SUPT20HL1: variants seen among roughly 807,000 people sequenced by gnomAD.
SUPT20HL1 encodes transcription factor SPT20 homolog-like 1.
For synonymous variants in SUPT20HL1, 133 were observed against 79.2 expected, an observed-to-expected ratio of 1.68 and a Z score of -3.61; for missense variants, 277 against 200.3, an observed-to-expected ratio of 1.38 and a Z score of -2.31.
rs181299458 is a variant in SUPT20HL1 at position 24,366,489 on chromosome X, G to A, written c.*1065G>A. ...CTGTCTGCACCTAGTGCTCCACAGA[G>A]CAAGGCTTTCTCACTGGCTTTGAAA... On this transcript the variant is annotated 3_prime_UTR_variant, in exon 1 of 1. Coordinates refer to ENST00000686983, the MANE Select transcript of SUPT20HL1 (RefSeq NM_001136234.3). 9.6e-4 allele frequency among the ~76,000 whole-genome samples: 108 copies of A among 112,297 alleles called. No individual in the cohort carries two copies. Among genetic ancestry groups the A allele is most frequent in the African/African-American group, 3.4e-3 (104 of 30,902 alleles).
At position 24,363,336 on chromosome X, in the gene SUPT20HL1, C is replaced by T. The variant is rs1159484658; in HGVS notation, c.576C>T (p.Asp192=). 7.8e-6 allele frequency: 3 copies of T among 385,549 alleles called. No homozygotes were observed. Among genetic ancestry groups the T allele is most frequent in the South Asian group, 4.7e-5 (2 of 42,735 alleles). The allele number at this position is 385,549 out of a possible 1,213,427, so 31.8% of individuals were successfully genotyped here. ...ATGGCCAGAAATGGAGCCAGGAAGACAAGCTTCAGCTTGAGAGCCAGCTGA... is the reference window on the plus strand; with the variant it reads ...ATGGCCAGAAATGGAGCCAGGAAGATAAGCTTCAGCTTGAGAGCCAGCTGA... ...TRDGQKWSQE[D]KLQLESQLIL... The change falls in exon 1 of 1, where the codon GAC becomes GAT. Residue 192 remains aspartate, a synonymous_variant. Coordinates refer to ENST00000686983, the MANE Select transcript of SUPT20HL1 (RefSeq NM_001136234.3).
rs1361671254 is a variant in SUPT20HL1 at position 24,364,387 on chromosome X, GCTC to G, written c.1630_1632del (p.Pro544del). 1.0e-5 allele frequency: 6 copies of G among 594,660 alleles called. No homozygotes were observed. The highest frequency in any genetic ancestry group is 8.5e-6 in the Non-Finnish European group (3 of 354,372). The allele number at this position is 594,660 out of a possible 1,213,427, so 49.0% of individuals were successfully genotyped here. A position where few individuals can be genotyped will look rare whatever the true frequency, so the allele number is the denominator to read the frequency against. On this transcript the variant is annotated inframe_deletion, in exon 1 of 1. Transcript: ENST00000686983. ...TGCTCCTGCTCTAGCTGCTGCTGCT[GCTC>G]CTGCTCCTGCTCCTGCCGCTGCTCC... is the stretch of plus-strand genomic sequence containing the variant.
rs2525859 is a variant in SUPT20HL1 at position 24,361,433 on chromosome X, T to A, written c.-1328T>A. On this transcript the variant is annotated 5_prime_UTR_variant, in exon 1 of 1. Transcript: ENST00000686983. ...GTCAGAAAAACAGGCTATGGAGTAG[T>A]TCTCCCCAGAAAAACATTATTGATC... is the stretch of plus-strand genomic sequence containing the variant. Among the ~76,000 whole-genome samples, 624 of 112,100 alleles carry A rather than the reference T, an allele frequency of 5.6e-3. 5 individuals are homozygous for A. The highest frequency in any genetic ancestry group is 0.02 in the African/African-American group (605 of 30,862).
Position 24,361,290 on chromosome X carries a change from C to T in SUPT20HL1, c.-1471C>T, listed in dbSNP as rs976728852. On this transcript the variant is annotated 5_prime_UTR_variant, in exon 1 of 1. Transcript: ENST00000686983. ...AACCCAAGTGAAGACAGGGGCAATT[C>T]GCCAGCTGAAGATCGAGTCCATCCC... Among the ~76,000 whole-genome samples the T allele has an allele frequency of 8.9e-6, 1 of 112,508 alleles. No homozygotes were observed. The highest frequency in any genetic ancestry group is 1.9e-5 in the Non-Finnish European group (1 of 53,325).
rs1939479728 is a variant in SUPT20HL1 at position 24,365,730 on chromosome X, A to T, written c.*306A>T. Reference sequence around the variant, plus strand: ...TTGAGTCTAAACTCGTGAAACGTATAATTTCTCTAAAGCCGTAAAATGGCA... The same window carrying T: ...TTGAGTCTAAACTCGTGAAACGTATTATTTCTCTAAAGCCGTAAAATGGCA... On this transcript the variant is annotated 3_prime_UTR_variant, in exon 1 of 1. Coordinates refer to ENST00000686983, the MANE Select transcript of SUPT20HL1 (RefSeq NM_001136234.3). 8.9e-6 allele frequency among the ~76,000 whole-genome samples: 1 copy of T among 112,184 alleles called. No individual in the cohort carries two copies. The highest frequency in any genetic ancestry group is 3.2e-5 in the African/African-American group (1 of 30,898).
Position 24,367,574 on chromosome X carries a change from A to G in SUPT20HL1, c.*2150A>G, listed in dbSNP as rs938376255. ...TTTCCTGAGTGACACCAAGTCCATC[A>G]GATCATCCTGGGCATAATTGGAAAT... On this transcript the variant is annotated 3_prime_UTR_variant, in exon 1 of 1. Coordinates refer to ENST00000686983, the MANE Select transcript of SUPT20HL1 (RefSeq NM_001136234.3). Among the ~76,000 whole-genome samples, 4 of 112,444 alleles carry G rather than the reference A, an allele frequency of 3.6e-5. No individual in the cohort carries two copies. The highest frequency in any genetic ancestry group is 1.3e-4 in the African/African-American group (4 of 30,941).
Position 24,367,425 on chromosome X carries a change from C to T in SUPT20HL1, c.*2001C>T, listed in dbSNP as rs956402611. Among the ~76,000 whole-genome samples, 4 of 112,431 alleles carry T rather than the reference C, an allele frequency of 3.6e-5. No individual in the cohort carries two copies. Among genetic ancestry groups the T allele is most frequent in the South Asian group, 3.6e-4 (1 of 2,748 alleles). ...CGAAATGAAAAGAAGTTTGGTCTGG[C>T]AGTTCCAAAAGACATCAGTGAAGAG... On this transcript the variant is annotated 3_prime_UTR_variant, in exon 1 of 1. Transcript: ENST00000686983.
chrX:24,364,309 G>GCTC lies in SUPT20HL1; in HGVS notation c.1552_1554dup (p.Pro518dup), dbSNP rs762156994. 1.2e-6 allele frequency: 1 copy of GCTC among 810,400 alleles called. No individual in the cohort carries two copies. The highest frequency in any genetic ancestry group is 1.7e-6 in the Non-Finnish European group (1 of 605,079). 66.8% of individuals were successfully genotyped at this position (810,400 alleles called of 1,213,427 possible). Reference sequence around the variant, plus strand: ...TGCTGCTGCTGCTGCTGCTGCTGCTGCTCCTGCTCCTGCTCTAGCTGCTGC... The same window carrying GCTC: ...TGCTGCTGCTGCTGCTGCTGCTGCTGCTCCTCCTGCTCCTGCTCTAGCTGCTGC... On this transcript the variant is annotated inframe_insertion, in exon 1 of 1. Transcript: ENST00000686983.
chrX:24,364,384 G>C lies in SUPT20HL1; in HGVS notation c.1624G>C (p.Ala542Pro), dbSNP rs750525009. Residue 542 changes from alanine (A) to proline (P), a missense_variant, in exon 1 of 1, where the codon GCT becomes CCT. Ala to Pro is a conservative substitution (Grantham distance 27, BLOSUM62 -1). Transcript: ENST00000686983. ...AAAAPALAAAAAPAPAPAAAP... is the reference protein window; with the variant it reads ...AAAAPALAAAPAPAPAPAAAP... ...TGCTGCTCCTGCTCTAGCTGCTGCT[G>C]CTGCTCCTGCTCCTGCTCCTGCCGC... 32 of 630,034 alleles carry C rather than the reference G, an allele frequency of 5.1e-5. 1 individual carries two copies. In the East Asian group the frequency reaches 1.1e-3, roughly 22 times the overall value. 51.9% of individuals were successfully genotyped at this position (630,034 alleles called of 1,213,427 possible).
chrX:24,360,921 C>T lies in SUPT20HL1; in HGVS notation c.-1840C>T, dbSNP rs1939423061. Among the ~76,000 whole-genome samples, 3 of 111,914 alleles carry T rather than the reference C, an allele frequency of 2.7e-5. No homozygotes were observed. Among genetic ancestry groups the T allele is most frequent in the Non-Finnish European group, 5.6e-5 (3 of 53,152 alleles). ...CTGTGACTTTGTCTGAGGGCATCCT[C>T]GAGCCAAATCAGCATGGGTGGCCCC... On this transcript the variant is annotated 5_prime_UTR_variant, in exon 1 of 1. Coordinates refer to ENST00000686983, the MANE Select transcript of SUPT20HL1 (RefSeq NM_001136234.3).
chrX:24,360,861 T>G lies in SUPT20HL1; in HGVS notation c.-1900T>G, dbSNP rs747134503. 3.6e-5 allele frequency among the ~76,000 whole-genome samples: 4 copies of G among 111,836 alleles called. No homozygotes were observed. In the Admixed American group the frequency reaches 3.8e-4, roughly 11 times the overall value. ...GTCCATCTCCCCTTGGCACTCACCA[T>G]TCTGTACACACAGACAGAGTATTAC... is the stretch of plus-strand genomic sequence containing the variant. On this transcript the variant is annotated 5_prime_UTR_variant, in exon 1 of 1. Coordinates refer to ENST00000686983, the MANE Select transcript of SUPT20HL1 (RefSeq NM_001136234.3).
rs951102140 is a variant in SUPT20HL1, at chrX:24,363,447, G to A, written c.687G>A (p.Lys229=). Residue 229 remains lysine (K), a synonymous_variant, in exon 1 of 1, where the codon AAG becomes AAA. Transcript: ENST00000686983. ...ACAGGCTGCTGTACAACAAGCAAAA[G>A]ATGAATACCGACCCGATGAAACGGT... is the stretch of plus-strand genomic sequence containing the variant. ...TANRLLYNKQ[K]MNTDPMKRCL... 5.2e-6 allele frequency: 2 copies of A among 385,294 alleles called. No individual in the cohort carries two copies. Among genetic ancestry groups the A allele is most frequent in the Non-Finnish European group, 1.0e-5 (2 of 192,396 alleles). The allele number at this position is 385,294 out of a possible 1,213,427, so 31.8% of individuals were successfully genotyped here.
At position 24,364,308 on chromosome X, in the gene SUPT20HL1, TGCTCCTGCTCCTGCTCTA is replaced by T. The variant is rs774915478; in HGVS notation, c.1552_1569del (p.Pro518_Ala523del). On this transcript the variant is annotated inframe_deletion, in exon 1 of 1. Coordinates refer to ENST00000686983, the MANE Select transcript of SUPT20HL1 (RefSeq NM_001136234.3). ...CTGCTGCTGCTGCTGCTGCTGCTGC[TGCTCCTGCTCCTGCTCTA>T]GCTGCTGCTGCTGCTCCTGCTCTAG... The T allele has an allele frequency of 1.7e-3, 1,544 of 886,555 alleles. 4 individuals are homozygous for T. The highest frequency in any genetic ancestry group is 8.0e-3 in the African/African-American group (263 of 32,969). The allele number at this position is 886,555 out of a possible 1,213,427, so 73.1% of individuals were successfully genotyped here.
Position 24,361,954 on chromosome X carries a change from G to A in SUPT20HL1, c.-807G>A, listed in dbSNP as rs1939429939. On this transcript the variant is annotated 5_prime_UTR_variant, in exon 1 of 1. Coordinates refer to ENST00000686983, the MANE Select transcript of SUPT20HL1 (RefSeq NM_001136234.3). ...AGCACTGCTACCGCGGGCTCATTCC[G>A]CAGCCCAGTGGCTGACAGATACCAA... Among the ~76,000 whole-genome samples, 5 of 112,156 alleles carry A rather than the reference G, an allele frequency of 4.5e-5. No individual in the cohort carries two copies. The South Asian group carries it at 1.9e-3, about 42-fold the overall frequency.
In SUPT20HL1 at chrX:24,363,564, C is replaced by G. The variant is rs933811608; in HGVS notation, c.804C>G (p.Gly268=). Reference sequence around the variant, plus strand: ...CTGAGCTGAGAGTGTCGACTTCTGGCCAAAAAGAAGAAAGAAAAGTAGGTC... The same window carrying G: ...CTGAGCTGAGAGTGTCGACTTCTGGGCAAAAAGAAGAAAGAAAAGTAGGTC... ...PPPELRVSTS[G]QKEERKVGQP... Residue 268 remains glycine (G), a synonymous_variant, in exon 1 of 1, where the codon GGC becomes GGG. Coordinates refer to ENST00000686983, the MANE Select transcript of SUPT20HL1 (RefSeq NM_001136234.3). The G allele has an allele frequency of 5.2e-6, 2 of 385,771 alleles. No individual in the cohort carries two copies. The highest frequency in any genetic ancestry group is 5.1e-5 in the African/African-American group (2 of 39,283). The allele number at this position is 385,771 out of a possible 1,213,427, so 31.8% of individuals were successfully genotyped here.
Position 24,361,110 on chromosome X carries a change from T to C in SUPT20HL1, c.-1651T>C, listed in dbSNP as rs1250936509. Among the ~76,000 whole-genome samples, 3 of 112,599 alleles carry C rather than the reference T, an allele frequency of 2.7e-5. No homozygotes were observed. Among genetic ancestry groups the C allele is most frequent in the African/African-American group, 9.7e-5 (3 of 30,992 alleles). On this transcript the variant is annotated 5_prime_UTR_variant, in exon 1 of 1. Transcript: ENST00000686983. ...TTCCAAGGTCCCCAGCATGGACCAG[T>C]TGTCTGGAGCCGCTTGTGCTCAGGA...
In SUPT20HL1 at chrX:24,365,417, C is replaced by T. The variant is rs779526646; in HGVS notation, c.2657C>T (p.Ala886Val). Residue 886 changes from alanine to valine, a missense_variant, in exon 1 of 1, where the codon GCG (alanine) becomes GTG (valine). Ala to Val is a moderately conservative substitution (Grantham distance 64, BLOSUM62 0). Coordinates refer to ENST00000686983, the MANE Select transcript of SUPT20HL1 (RefSeq NM_001136234.3). ...AAGGAAGGCAAGCCAACCCCTCCAG[C>T]GCCCTGAGGCTTGTGGTAGTTTGTC... is the stretch of plus-strand genomic sequence containing the variant. ...QRKEGKPTPP[A>V]P 1.9e-5 allele frequency: 7 copies of T among 377,664 alleles called. No homozygotes were observed. The highest frequency in any genetic ancestry group is 4.8e-5 in the South Asian group (2 of 41,799). 31.1% of individuals were successfully genotyped at this position (377,664 alleles called of 1,213,427 possible).
In SUPT20HL1 at chrX:24,363,469, C is replaced by T. The variant is rs753139008; in HGVS notation, c.709C>T (p.Arg237Trp). The change falls in exon 1 of 1, where the codon CGG (arginine) becomes TGG (tryptophan). Residue 237 changes from arginine to tryptophan, a missense_variant. By Grantham distance (101) the Arg-to-Trp change is moderately radical (BLOSUM62 -3). Transcript: ENST00000686983. Reference sequence around the variant, plus strand: ...AAAGATGAATACCGACCCGATGAAACGGTGCCTCCAGAGGTATTCGTGGCC... The same window carrying T: ...AAAGATGAATACCGACCCGATGAAATGGTGCCTCCAGAGGTATTCGTGGCC... The part of the protein sequence containing the change: ...KQKMNTDPMK[R>W]CLQRYSWPSV... 4 of 385,687 alleles carry T rather than the reference C, an allele frequency of 1.0e-5. No individual in the cohort carries two copies. The highest frequency in any genetic ancestry group is 4.7e-5 in the South Asian group (2 of 42,680). The allele number at this position is 385,687 out of a possible 1,213,427, so 31.8% of individuals were successfully genotyped here.
At position 24,367,236 on chromosome X, in the gene SUPT20HL1, C is replaced by G. The variant is rs779632601; in HGVS notation, c.*1812C>G. Among the ~76,000 whole-genome samples, 43 of 112,523 alleles carry G rather than the reference C, an allele frequency of 3.8e-4. No homozygotes were observed. The highest frequency in any genetic ancestry group is 1.4e-3 in the African/African-American group (43 of 30,990). ...CCGATGATAGACAGTTGGTTTTTGT[C>G]TGCCTTTTGGCTGTCGTGCATAGGG... is the stretch of plus-strand genomic sequence containing the variant. On this transcript the variant is annotated 3_prime_UTR_variant, in exon 1 of 1. Transcript: ENST00000686983.
Sources: allele counts gnomAD v4.1 joint callset (sites outside exome capture counted in the v4.1 genomes callset), GRCh38; gene constraint gnomAD v4.1.1; transcripts MANE v1.5; gene names NCBI Gene and HGNC (gene_info 2026-07-23, HGNC 2026-07-21).